The following TMEM175 variants were observed in gnomAD, a reference collection of about 807,000 sequenced individuals.
TMEM175 encodes endosomal/lysosomal proton channel TMEM175.
Under a neutral mutation model 36.5 loss-of-function variants are expected in TMEM175, and 36 were observed. The ratio of observed to expected loss-of-function variants is 0.99; its 90% CI spans 0.76 to 1.30. The LOEUF (loss-of-function observed/expected upper bound fraction) is 1.30, where lower values mean the gene tolerates loss of function less well. Ranked by LOEUF, TMEM175 falls within the 50% of genes most tolerant of loss-of-function variation. The pLI is 0.00. For missense variants in TMEM175, 705 were observed against 692.8 expected, an observed-to-expected ratio of 1.02 and a Z score of -0.20; for synonymous variants, 339 against 313.4, an observed-to-expected ratio of 1.08 and a Z score of -0.86.
intron 3 of TMEM175, among the ~76,000 whole-genome samples, chr4:949,419 T>A (rs1036402285): frequency 6.6e-6 from 1 of 152,148 alleles, no homozygotes; most frequent in Non-Finnish European, 1.5e-5. Flanking sequence ...AACACATTTA[T>A]GTGAAGAGGG....
chr4:957,784 C>A (rs778688569), intron 10 of TMEM175, 40 bp from the exon 11 acceptor site: 4 of 1,556,972 alleles, frequency 2.6e-6, no homozygotes, highest in South Asian at 2.5e-5. Flanking sequence ...TGTGTGGCCA[C>A]GGCAAGGCCG....
At chr4:949,519 A>G (rs1328756336) in intron 3 of TMEM175, among the ~76,000 whole-genome samples, 1 of 152,214 alleles carries the variant, frequency 6.6e-6, no homozygotes, top group East Asian at 1.9e-4. Context: ...GCTCACTCTG[A>G]TGAAAAATAA....
Position 950,436 on chromosome 4 carries a change from G to A in TMEM175, c.208G>A (p.Val70Ile), listed in dbSNP as rs1728723325. Residue 70 changes from valine (V) to isoleucine (I), a missense_variant, in exon 4 of 11, where the codon GTA becomes ATA. By Grantham distance (29) the Val-to-Ile change is conservative. Transcript: ENST00000264771. ...TGTATTCCAGCAGTTCGACAGAAGT[G>A]TACAGAGGCTTCTGGCAACACGGAT... Reference protein sequence around the residue: ...ISPEQQFDRSVQRLLATRIAV... With the variant: ...ISPEQQFDRSIQRLLATRIAV... 6.2e-7 allele frequency: 1 copy of A among 1,613,646 alleles called. No homozygotes were observed. The highest frequency in any genetic ancestry group is 1.7e-5 in the Admixed American group (1 of 60,004).
At chr4:953,418 C>G in intron 8 of TMEM175, 64 bp downstream of exon 8, 1 of 1,522,260 alleles carries the variant, frequency 6.6e-7, no homozygotes, top group Non-Finnish European at 8.8e-7. Context: ...AGCAATGTCC[C>G]CGCTGAGCAA....
At chr4:957,075 C>T (rs1218675070) in intron 10 of TMEM175, among the ~76,000 whole-genome samples, 1 of 152,220 alleles carries the variant, frequency 6.6e-6, no homozygotes, top group Non-Finnish European at 1.5e-5. Context: ...GGGACAGTGA[C>T]CTCTCCTCCA....
At chr4:956,034 G>T in intron 10 of TMEM175, 144 bp downstream of exon 10, 1 of 1,084,476 alleles carries the variant, frequency 9.2e-7, no homozygotes, top group East Asian at 2.6e-5. Context: ...GTGAGGTCAG[G>T]GCAGCCCCCA....
chr4:950,529 G>A lies in TMEM175; in HGVS notation c.290+11G>A, dbSNP rs139406560. ...GGCAGCACACACAAGGTGGGGGCCC[G>A]GGCGCTTCCAGCGGTCCATAGCTGC... On this transcript the variant is annotated intron_variant, in intron 4 of 10. Coordinates refer to ENST00000264771, the MANE Select transcript of TMEM175 (RefSeq NM_032326.4). 357 of 1,609,666 alleles carry A rather than the reference G, an allele frequency of 2.2e-4. No individual in the cohort carries two copies. The African/African-American group carries it at 3.5e-3, about 16-fold the overall frequency.
At chr4:955,715 G>T (rs1577447930) in intron 9 of TMEM175, 40 bp from the exon 10 acceptor site, 1 of 1,601,192 alleles carries the variant, frequency 6.2e-7, no homozygotes, top group Non-Finnish European at 8.5e-7. Flanking sequence ...ACCTCCACAT[G>T]GGGGGTTTGG....
rs1728374598 is a variant in TMEM175 at position 947,838 on chromosome 4, C to A, written c.99C>A (p.Ser33=). Residue 33 remains serine, a synonymous_variant, in exon 2 of 11, where the codon TCC becomes TCA. Coordinates refer to ENST00000264771, the MANE Select transcript of TMEM175 (RefSeq NM_032326.4). ...DEDAGEGIQC[S]QRMLSFSDAL... ...ACGCTGGGGAGGGGATCCAGTGCTC[C>A]CAACGCATGCTCAGCTTCAGTGACG... 6.2e-7 allele frequency: 1 copy of A among 1,613,360 alleles called. No individual in the cohort carries two copies. Among genetic ancestry groups the A allele is most frequent in the Non-Finnish European group, 8.5e-7 (1 of 1,180,022 alleles).
chr4:958,428 G>A lies in TMEM175; in HGVS notation c.1447G>A (p.Glu483Lys), dbSNP rs201137093. 240 of 1,594,474 alleles carry A rather than the reference G, an allele frequency of 1.5e-4. 1 individual carries two copies. The African/African-American group carries it at 2.6e-3, about 17-fold the overall frequency. Residue 483 changes from glutamate to lysine, a missense_variant, in exon 11 of 11, where the codon GAA becomes AAA. Glu to Lys is a moderately conservative substitution (Grantham distance 56). Transcript: ENST00000264771. ...GGTCCTGCGGGGCCTCGCCCGGCCC[G>A]AACACCCCCCGCCAGCCCCCACGGG... ...LRVLRGLARP[E>K]HPPPAPTGQD...
intron 1 of TMEM175, among the ~76,000 whole-genome samples, chr4:933,870 G>C (rs1423860260): frequency 6.6e-6 from 1 of 152,180 alleles, no homozygotes; most frequent in Non-Finnish European, 1.5e-5. Context: ...GAAGCCAAAT[G>C]ACATCTTTAA....
chr4:952,272 C>A, intron 6 of TMEM175, 95 bp from the exon 7 acceptor site: 2 of 1,109,960 alleles, frequency 1.8e-6, no homozygotes, highest in Non-Finnish European at 2.7e-6. Context: ...CCCAGCGTCC[C>A]GTGGAGTGGG....
chr4:951,975 C>G (rs1728948695), intron 6 of TMEM175: 1 of 592,700 alleles, frequency 1.7e-6, no homozygotes, highest in African/African-American at 1.9e-5. Flanking sequence ...CAGCCCCCTG[C>G]CCATCCCAGG....
intron 1 of TMEM175, among the ~76,000 whole-genome samples, chr4:941,269 G>A (rs551412954): frequency 4.3e-4 from 63 of 147,820 alleles, no homozygotes; most frequent in Non-Finnish European, 6.9e-4. Context: ...CCAGCTGCTC[G>A]GGAGGCTGAC....
Position 957,942 on chromosome 4 carries a change from G to T in TMEM175, c.961G>T (p.Gly321Ter). The T allele has an allele frequency of 6.2e-7, 1 of 1,612,828 alleles. No individual in the cohort carries two copies. Among genetic ancestry groups the T allele is most frequent in the East Asian group, 2.2e-5 (1 of 44,882 alleles). ...LAYFGSFATV[G>*]LLWFAHHSLF... ...GTACTTCGGCTCCTTCGCCACAGTGGGACTGCTGTGGTTCGCCCACCACTC... is the reference window on the plus strand; with the variant it reads ...GTACTTCGGCTCCTTCGCCACAGTGTGACTGCTGTGGTTCGCCCACCACTC... The change falls in exon 11 of 11, where the codon GGA becomes TGA. Residue 321 changes from glycine (G) to a stop codon, truncating the protein, a stop_gained. Coordinates refer to ENST00000264771, the MANE Select transcript of TMEM175 (RefSeq NM_032326.4). LOFTEE classifies it low-confidence loss of function (END_TRUNC).
At chr4:952,530 G>A in intron 7 of TMEM175, 80 bp downstream of exon 7, 1 of 1,404,236 alleles carries the variant, frequency 7.1e-7, no homozygotes, top group Non-Finnish European at 9.8e-7. Flanking sequence ...TCACCATCGG[G>A]GTCGTGCAGG....
At chr4:941,584 G>A (rs369548099) in intron 1 of TMEM175, among the ~76,000 whole-genome samples, 4 of 151,660 alleles carry the variant, frequency 2.6e-5, no homozygotes, top group South Asian at 2.1e-4. Context: ...AATTACAGAC[G>A]CGTACCACCA....
intron 7 of TMEM175, among the ~76,000 whole-genome samples, 178 bp downstream of exon 7, chr4:952,628 CTGTGTG>C (rs35529704): frequency 0.011 from 1,238 of 114,774 alleles, 16 homozygotes; most frequent in Middle Eastern, 0.04. Context: ...GGGTCCTGTG[CTGTGTG>C]TGTGTGTGTG....
intron 10 of TMEM175, 48 bp downstream of exon 10, chr4:955,938 CTT>C (rs1355179106): frequency 1.9e-6 from 3 of 1,595,430 alleles, no homozygotes; most frequent in Admixed American, 1.7e-5. Context: ...GCCAATGTGT[CTT>C]GAGTCCCTGG....
Sources: allele counts gnomAD v4.1 joint callset (sites outside exome capture counted in the v4.1 genomes callset), GRCh38; gene constraint gnomAD v4.1.1; transcripts MANE v1.5; gene names NCBI Gene and HGNC (gene_info 2026-07-23, HGNC 2026-07-21).